PCDH15: variants seen among roughly 807,000 people sequenced by gnomAD.
PCDH15 encodes protocadherin-15.
A neutral mutation model predicts 178.5 loss-of-function variants in PCDH15; 129 were observed. The observed-to-expected ratio is 0.72, with a 90% CI of 0.63 to 0.84. The LOEUF (loss-of-function observed/expected upper bound fraction) is 0.84. Ranked by LOEUF, PCDH15 falls within the 40% of genes least tolerant of loss-of-function variation. PCDH15 has a pLI of 0.00. For missense variants in PCDH15, 2,230 were observed against 2,099.9 expected, an observed-to-expected ratio of 1.06 and a Z score of -1.21; for synonymous variants, 800 against 732.0, an observed-to-expected ratio of 1.09 and a Z score of -1.50.
intron 2 of PCDH15, among the ~76,000 whole-genome samples, chr10:54,583,996 TA>T (rs2091260935): frequency 6.6e-6 from 1 of 152,122 alleles, no homozygotes; most frequent in Non-Finnish European, 1.5e-5. Flanking sequence ...TTATTTAGTA[TA>T]TTAATAAAAA....
intron 1 of PCDH15, among the ~76,000 whole-genome samples, chr10:55,168,529 T>C (rs1252726746): frequency 6.6e-6 from 1 of 152,200 alleles, no homozygotes; most frequent in Non-Finnish European, 1.5e-5. Flanking sequence ...AGGGGTTCTG[T>C]ACATTTGTGA....
chr10:54,860,094 T>TG (rs1184287360), intron 3 of PCDH15, among the ~76,000 whole-genome samples: 1 of 152,036 alleles, frequency 6.6e-6, no homozygotes, highest in South Asian at 2.1e-4. Context: ...TGCATGTGTG[T>TG]GGGGGTGTGT....
chr10:55,277,030 C>T lies in PCDH15; in HGVS notation c.-156+42569G>A, dbSNP rs79350672. ...CTTTGTTTGGAGGATCTACAGATTT[C>T]TTAATGTTATGTTAGCTCTTACATT... On this transcript the variant is annotated intron_variant, in intron 1 of 5. Transcript: ENST00000458638. Among the ~76,000 whole-genome samples the T allele has an allele frequency of 2.2e-3, 341 of 152,076 alleles. 8 individuals carry two copies. In the East Asian group the frequency reaches 0.042, roughly 19 times the overall value.
intron 1 of PCDH15, among the ~76,000 whole-genome samples, chr10:54,755,305 T>C (rs1946924053): frequency 6.6e-6 from 1 of 152,150 alleles, no homozygotes; most frequent in African/African-American, 2.4e-5. Flanking sequence ...AGGAACCCAG[T>C]ATAGTACGGG....
At chr10:55,469,746 T>A (rs1407288704) in intron 2 of PCDH15, among the ~76,000 whole-genome samples, 2 of 152,070 alleles carry the variant, frequency 1.3e-5, no homozygotes, top group African/African-American at 4.8e-5. Flanking sequence ...ATATTTTACA[T>A]CTCAGCTGTT....
chr10:54,829,038 G>T (rs1953179847), intron 3 of PCDH15, among the ~76,000 whole-genome samples: 1 of 151,938 alleles, frequency 6.6e-6, no homozygotes, highest in African/African-American at 2.4e-5. Context: ...GTATTAAAGT[G>T]CAGAGTTGAG....
intron 2 of PCDH15, among the ~76,000 whole-genome samples, chr10:55,385,724 T>C (rs1332103057): frequency 6.9e-6 from 1 of 145,242 alleles, no homozygotes; most frequent in Non-Finnish European, 1.5e-5. Flanking sequence ...TATATGCATA[T>C]ATATATACAC....
intron 1 of PCDH15, among the ~76,000 whole-genome samples, chr10:54,765,326 G>T (rs2133196749): frequency 6.6e-6 from 1 of 152,106 alleles, no homozygotes; most frequent in African/African-American, 2.4e-5. Context: ...TGGGAAAATG[G>T]AATAAATTAC....
chr10:55,371,667 C>A (rs780743139), intron 2 of PCDH15, among the ~76,000 whole-genome samples: 9 of 152,086 alleles, frequency 5.9e-5, no homozygotes. Flanking sequence ...TTCACCCTTA[C>A]ACCATGATTG....
intron 9 of PCDH15, among the ~76,000 whole-genome samples, chr10:54,234,002 G>C (rs1487772660): frequency 6.6e-6 from 1 of 152,138 alleles, no homozygotes; most frequent in African/African-American, 2.4e-5. Flanking sequence ...GGAAGCAGGA[G>C]AGGAGTCGTC....
chr10:54,954,412 A>G (rs546098753), intron 2 of PCDH15, among the ~76,000 whole-genome samples: 3 of 151,340 alleles, frequency 2.0e-5, no homozygotes, highest in African/African-American at 7.2e-5. Context: ...AACATATCTT[A>G]GCATTATCCT....
intron 2 of PCDH15, among the ~76,000 whole-genome samples, chr10:54,603,897 G>A (rs558295424): frequency 1.3e-5 from 2 of 152,118 alleles, no homozygotes; most frequent in South Asian, 2.1e-4. Context: ...ATTGGCAATG[G>A]AAAACAGATT....
intron 3 of PCDH15, among the ~76,000 whole-genome samples, chr10:54,892,743 T>A (rs1396142493): frequency 6.7e-6 from 1 of 150,192 alleles, no homozygotes; most frequent in East Asian, 1.9e-4. Context: ...TTTTTTTTTT[T>A]TTTTAAGATG....
chr10:54,396,449 A>C (rs552027819), intron 3 of PCDH15, among the ~76,000 whole-genome samples: 5 of 152,084 alleles, frequency 3.3e-5, no homozygotes, highest in African/African-American at 1.2e-4. Flanking sequence ...CTTTTGGTCC[A>C]TGGGTCCATT....
intron 3 of PCDH15, among the ~76,000 whole-genome samples, chr10:54,388,470 T>C (rs1950172673): frequency 1.3e-5 from 2 of 152,166 alleles, no homozygotes; most frequent in African/African-American, 4.8e-5. Flanking sequence ...CCTGCATAGC[T>C]ATTCAGGAGA....
At chr10:54,232,364 C>T (rs2054163998) in intron 9 of PCDH15, among the ~76,000 whole-genome samples, 1 of 152,180 alleles carries the variant, frequency 6.6e-6, no homozygotes, top group Non-Finnish European at 1.5e-5. Context: ...TCTTGTACAG[C>T]CTGTAGAACT....
At chr10:55,052,377 CG>C (rs1841185375) in intron 2 of PCDH15, among the ~76,000 whole-genome samples, 1 of 151,236 alleles carries the variant, frequency 6.6e-6, no homozygotes, top group African/African-American at 2.4e-5. Context: ...CGTGAGCCAC[CG>C]TACCCGGCCA....
At chr10:54,777,961 G>C (rs1340209985) in intron 1 of PCDH15, among the ~76,000 whole-genome samples, 1 of 152,120 alleles carries the variant, frequency 6.6e-6, no homozygotes, top group Admixed American at 6.6e-5. Flanking sequence ...CAGTAGAGTT[G>C]AGCTAGCAAA....
intron 2 of PCDH15, among the ~76,000 whole-genome samples, chr10:55,124,098 G>A (rs551543801): frequency 6.6e-6 from 1 of 152,124 alleles, no homozygotes; most frequent in African/African-American, 2.4e-5. Flanking sequence ...TCATACCTGG[G>A]GACTAGTATC....
Sources: gnomAD v4.1 joint callset for allele counts (sites outside exome capture counted in the v4.1 genomes callset) on GRCh38, gnomAD v4.1.1 for gene constraint, MANE v1.5 for transcripts, NCBI Gene and HGNC (gene_info 2026-07-23, HGNC 2026-07-21) for gene names.